The following FOXP2 variants were observed in gnomAD, a reference collection of about 807,000 sequenced individuals.
The protein encoded by FOXP2 is forkhead box protein P2.
FOXP2 carries 12 observed loss-of-function variants against 115.8 expected under a neutral mutation model. That is an observed-to-expected ratio of 0.10 (90% CI 0.07 to 0.17). The LOEUF (loss-of-function observed/expected upper bound fraction) is 0.17, where lower values mean the gene tolerates loss of function less well. Among genes scored for constraint, FOXP2 ranks in the 10% least tolerant of loss-of-function variants. The pLI, the probability that FOXP2 is intolerant of heterozygous loss-of-function variation, is 1.00. For missense variants in FOXP2, 629 were observed against 843.5 expected, an observed-to-expected ratio of 0.75 and a Z score of 3.15; for synonymous variants, 328 against 297.7, an observed-to-expected ratio of 1.10 and a Z score of -1.05.
At chr7:114,433,472 C>T (rs1794203395) in intron 2 of FOXP2, among the ~76,000 whole-genome samples, 4 of 151,850 alleles carry the variant, frequency 2.6e-5, no homozygotes, top group Admixed American at 2.6e-4. Flanking sequence ...AGTTGTATCT[C>T]AGAAATATTG....
chr7:114,324,518 G>T (rs1222108319), intron 2 of FOXP2, among the ~76,000 whole-genome samples: 1 of 151,682 alleles, frequency 6.6e-6, no homozygotes, highest in African/African-American at 2.4e-5. Flanking sequence ...TGATATTGAG[G>T]TTTTTTTCTC....
At chr7:114,149,005 A>G (rs10254854) in intron 1 of FOXP2, among the ~76,000 whole-genome samples, 108,077 of 152,016 alleles carry the variant, frequency 0.71, 42,263 homozygotes, top group Non-Finnish European at 0.87. Flanking sequence ...TATACAGCTT[A>G]TGGCTGGCTA....
chr7:114,421,973 G>A (rs1423032255), intron 1 of FOXP2, among the ~76,000 whole-genome samples: 2 of 151,660 alleles, frequency 1.3e-5, no homozygotes, highest in East Asian at 1.9e-4. Flanking sequence ...ATATTTTGAG[G>A]TAAACGTATG....
upstream of FOXP2, among the ~76,000 whole-genome samples, chr7:114,161,711 G>T (rs1007214569): frequency 6.6e-6 from 1 of 151,958 alleles, no homozygotes; most frequent in African/African-American, 2.4e-5. Flanking sequence ...TTATTTAGTG[G>T]AAGGGAGTAT....
At chr7:114,126,841 A>C (rs574528087) in intron 1 of FOXP2, among the ~76,000 whole-genome samples, 1 of 152,234 alleles carries the variant, frequency 6.6e-6, no homozygotes, top group South Asian at 2.1e-4. Context: ...GATTCTCCCA[A>C]TTCTCTCTCT....
chr7:114,664,509 GAA>G, intron 16 of FOXP2, 73 bp downstream of exon 16: 6 of 1,554,514 alleles, frequency 3.9e-6, no homozygotes, highest in Non-Finnish European at 4.4e-6. Flanking sequence ...GAATTTTTCC[GAA>G]GTTTTTACTG....
At chr7:114,622,762 T>C (rs1282006352) in intron 3 of FOXP2, among the ~76,000 whole-genome samples, 1 of 151,974 alleles carries the variant, frequency 6.6e-6, no homozygotes, top group East Asian at 1.9e-4. Flanking sequence ...AAAATCACAA[T>C]TGTTTTGTTT....
rs374693746 is a variant in FOXP2 at position 114,370,293 on chromosome 7, C to T, written c.-10-56209C>T. Among the ~76,000 whole-genome samples, 18 of 152,334 alleles carry T rather than the reference C, an allele frequency of 1.2e-4. No individual in the cohort carries two copies. In the East Asian group the frequency reaches 3.3e-3, roughly 28 times the overall value. ...ATTAAAGTGTCCTTAGACAAATAGA[C>T]ATCACACAGAATACCAAGGTATGCA... On this transcript the variant is annotated intron_variant, in intron 2 of 17. Coordinates refer to the FOXP2 transcript ENST00000634411.
intron 1 of FOXP2, among the ~76,000 whole-genome samples, chr7:114,260,475 T>G (rs1270139079): frequency 1.3e-5 from 2 of 152,010 alleles, no homozygotes; most frequent in Admixed American, 1.3e-4. Flanking sequence ...TAAGACAGCT[T>G]CATAAAATTA....
At chr7:114,619,176 A>G (rs1804104163) in intron 3 of FOXP2, among the ~76,000 whole-genome samples, 1 of 152,100 alleles carries the variant, frequency 6.6e-6, no homozygotes, top group Admixed American at 6.6e-5. Flanking sequence ...ATTCATAAAG[A>G]ATAACATTAT....
At chr7:114,434,430 A>T (rs1794247650) in intron 2 of FOXP2, among the ~76,000 whole-genome samples, 1 of 54,800 alleles carries the variant, frequency 1.8e-5, no homozygotes, top group Non-Finnish European at 3.1e-5. Flanking sequence ...CTCACGGTTT[A>T]ATATATATGG....
chr7:114,295,366 C>T (rs1367222289), intron 2 of FOXP2, among the ~76,000 whole-genome samples: 1 of 152,084 alleles, frequency 6.6e-6, no homozygotes, highest in Non-Finnish European at 1.5e-5. Context: ...ATATCATTTT[C>T]CAAAATGAGT....
At chr7:114,328,507 A>G (rs1278063352) in intron 2 of FOXP2, among the ~76,000 whole-genome samples, 3 of 151,974 alleles carry the variant, frequency 2.0e-5, no homozygotes, top group Admixed American at 6.6e-5. Flanking sequence ...GAGTGCTGGG[A>G]TTACAGGCGT....
intron 1 of FOXP2, among the ~76,000 whole-genome samples, chr7:114,272,640 G>A (rs1796094823): frequency 6.6e-6 from 1 of 151,566 alleles, no homozygotes; most frequent in African/African-American, 2.4e-5. Context: ...CATCCATTAG[G>A]GTATTAAATT....
rs1791159655 is a variant in FOXP2 at position 114,107,849 on chromosome 7, C to T, written c.-247+20011C>T. Among the ~76,000 whole-genome samples the T allele has an allele frequency of 3.3e-5, 5 of 151,826 alleles. No individual in the cohort carries two copies. In the South Asian group the frequency reaches 1.0e-3, roughly 31 times the overall value. ...ATTGTTTTTTCACGGTCTGGTCCTG[C>T]CCTAGAAATATCTACTCATACAATG... On this transcript the variant is annotated intron_variant, in intron 1 of 19. Coordinates refer to the FOXP2 transcript ENST00000635638.
At chr7:114,376,959 C>A (rs1244187395) in intron 2 of FOXP2, among the ~76,000 whole-genome samples, 2 of 152,126 alleles carry the variant, frequency 1.3e-5, no homozygotes, top group African/African-American at 4.8e-5. Flanking sequence ...TCAGTTTCCT[C>A]TGAATATTGG....
At chr7:114,254,602 G>C (rs928929352) in intron 1 of FOXP2, among the ~76,000 whole-genome samples, 2 of 152,098 alleles carry the variant, frequency 1.3e-5, no homozygotes, top group African/African-American at 4.8e-5. Flanking sequence ...TGAAGCTTGG[G>C]CATTCGTCAC....
intron 2 of FOXP2, among the ~76,000 whole-genome samples, chr7:114,376,858 G>C (rs537395302): frequency 1.3e-5 from 2 of 152,306 alleles, no homozygotes; most frequent in African/African-American, 4.8e-5. Context: ...TGAGAAAGGA[G>C]CTGGAAGAGG....
chr7:114,599,770 A>T (rs1802924120), intron 3 of FOXP2, among the ~76,000 whole-genome samples: 1 of 152,008 alleles, frequency 6.6e-6, no homozygotes, highest in South Asian at 2.1e-4. Context: ...TATTGATGAA[A>T]TTATGTCAAT....
Sources: allele counts gnomAD v4.1 joint callset (sites outside exome capture counted in the v4.1 genomes callset), GRCh38; gene constraint gnomAD v4.1.1; transcripts MANE v1.5; gene names NCBI Gene and HGNC (gene_info 2026-07-23, HGNC 2026-07-21).